Variants in SCYL3 observed in about 807,000 individuals in gnomAD.
SCYL3 encodes protein-associating with the carboxyl-terminal domain of ezrin.
SCYL3 carries 35 observed loss-of-function variants against 73.8 expected under a neutral mutation model. The observed-to-expected ratio is 0.47, with a 90% CI of 0.36 to 0.63. The LOEUF is 0.63. SCYL3 is among the 20% of genes least tolerant of loss of function. The probability of loss-of-function intolerance (pLI) is 0.00; values close to 1 mark genes in which losing one functional copy is unlikely to be tolerated. For synonymous variants in SCYL3, 277 were observed against 295.2 expected (o/e 0.94, Z 0.63); for missense variants, 712 against 798.9 (o/e 0.89, Z 1.31).
At position 169,849,845 on chromosome 1, in the gene SCYL3, C is replaced by T. The variant is rs936402008; in HGVS notation, c.*3868G>A. Reference sequence around the variant, plus strand: ...AGAACAGGCATACACAGCAGGCCTACTGATACAGACAGACACAGACACAGT... The same window carrying T: ...AGAACAGGCATACACAGCAGGCCTATTGATACAGACAGACACAGACACAGT... On this transcript the variant is annotated 3_prime_UTR_variant, in exon 13 of 13. Coordinates refer to ENST00000367771, the MANE Select transcript of SCYL3 (RefSeq NM_020423.7). The T allele has an allele frequency of 5.8e-6, 3 of 517,586 alleles. No homozygotes were observed. Among genetic ancestry groups the T allele is most frequent in the East Asian group, 3.3e-5 (1 of 29,992 alleles). 32.1% of individuals were successfully genotyped at this position (517,586 alleles called of 1,614,324 possible). A position where few individuals can be genotyped will look rare whatever the true frequency, so the allele number is the denominator to read the frequency against.
chr1:169,856,924 ACT>A, intron 11 of SCYL3, among the ~76,000 whole-genome samples: 1 of 152,304 alleles, frequency 6.6e-6, no homozygotes, highest in South Asian at 2.1e-4. Context: ...TATCTGATTA[ACT>A]CTTTTCTGCT....
chr1:169,855,814 T>G (rs765431847), intron 11 of SCYL3: 1 of 1,613,612 alleles, frequency 6.2e-7, no homozygotes, highest in Non-Finnish European at 8.5e-7. Context: ...AAAAGAGTAT[T>G]GTAGTAATCT....
intron 9 of SCYL3, 67 bp from the exon 10 acceptor site, chr1:169,862,864 T>C (rs1659764092): frequency 4.0e-6 from 6 of 1,484,066 alleles, no homozygotes; most frequent in Non-Finnish European, 4.7e-6. Flanking sequence ...GTATTAAGCA[T>C]AATTCATACA....
At chr1:169,859,463 A>C (rs890438533) in intron 10 of SCYL3, among the ~76,000 whole-genome samples, 1 of 152,272 alleles carries the variant, frequency 6.6e-6, no homozygotes, top group African/African-American at 2.4e-5. Flanking sequence ...TGTTGGGTAC[A>C]TAAAATTACT....
intron 3 of SCYL3, among the ~76,000 whole-genome samples, chr1:169,877,418 A>G (rs1660926460): frequency 6.6e-6 from 1 of 152,212 alleles, no homozygotes; most frequent in Non-Finnish European, 1.5e-5. Context: ...TTGGCCTCCC[A>G]AAGTGCTGGG....
In SCYL3 at chr1:169,869,010, G is replaced by A; in HGVS notation, c.655C>T (p.Gln219Ter). The A allele has an allele frequency of 6.2e-7, 1 of 1,614,126 alleles. No homozygotes were observed. The highest frequency in any genetic ancestry group is 8.5e-7 in the Non-Finnish European group (1 of 1,179,968). ...VSADVLSSFQ[Q>*]TLHSTLLNPI... ...TTCAGCAAAGTTGAGTGCAAGGTCTGTTGAAAGCTGGAGAGAACATCCGCT... is the reference window on the plus strand; with the variant it reads ...TTCAGCAAAGTTGAGTGCAAGGTCTATTGAAAGCTGGAGAGAACATCCGCT... The change falls in exon 7 of 13, where the codon CAG (glutamine) becomes TAG (stop). Residue 219 changes from glutamine (Q) to a stop codon, truncating the protein, a stop_gained. Coordinates refer to ENST00000367771, the MANE Select transcript of SCYL3 (RefSeq NM_020423.7). LOFTEE classifies it high-confidence loss of function.
chr1:169,891,329 A>G (rs1323347780), intron 1 of SCYL3, among the ~76,000 whole-genome samples: 2 of 152,182 alleles, frequency 1.3e-5, no homozygotes, highest in Non-Finnish European at 2.9e-5. Context: ...TCTCAAGACT[A>G]CCGGAAGCCC....
intron 5 of SCYL3, among the ~76,000 whole-genome samples, chr1:169,872,234 C>A (rs1238082329): frequency 6.6e-6 from 1 of 152,248 alleles, no homozygotes; most frequent in Non-Finnish European, 1.5e-5. Context: ...TGCATCTCAG[C>A]CGCTCTAGCC....
In SCYL3 at chr1:169,853,706, T is replaced by C; in HGVS notation, c.*7A>G. ...CCTTTTTCCTAAAGTTTAACTCACA[T>C]CTATTGTCACCAGTTATTATCTTCC... On this transcript the variant is annotated 3_prime_UTR_variant, in exon 13 of 13. Coordinates refer to ENST00000367771, the MANE Select transcript of SCYL3 (RefSeq NM_020423.7). The C allele has an allele frequency of 6.2e-7, 1 of 1,613,384 alleles. No individual in the cohort carries two copies. The highest frequency in any genetic ancestry group is 8.5e-7 in the Non-Finnish European group (1 of 1,179,634).
chr1:169,876,135 C>A (rs375090989), intron 3 of SCYL3, 44 bp from the exon 4 acceptor site: 3 of 1,145,250 alleles, frequency 2.6e-6, no homozygotes, highest in Non-Finnish European at 2.5e-6. Flanking sequence ...ACTCCAGGAT[C>A]TGAAATAGAA....
At chr1:169,857,386 C>T (rs1201276849) in intron 11 of SCYL3, among the ~76,000 whole-genome samples, 1 of 152,160 alleles carries the variant, frequency 6.6e-6, no homozygotes, top group Non-Finnish European at 1.5e-5. Context: ...TAAGTCATTT[C>T]TTGGTTACTT....
chr1:169,853,654 T>A lies in SCYL3; in HGVS notation c.*59A>T, dbSNP rs995537546. Reference sequence around the variant, plus strand: ...CTTGTCCCAAAGCCTGCTTTTGAGGTATTGATTTTTTTTAAAAAAAGGGAA... The same window carrying A: ...CTTGTCCCAAAGCCTGCTTTTGAGGAATTGATTTTTTTTAAAAAAAGGGAA... On this transcript the variant is annotated 3_prime_UTR_variant, in exon 13 of 13. Transcript: ENST00000367771. The A allele has an allele frequency of 2.5e-5, 39 of 1,570,156 alleles. No homozygotes were observed. In the African/African-American group the frequency reaches 4.6e-4, roughly 19 times the overall value.
intron 7 of SCYL3, 29 bp downstream of exon 7, chr1:169,868,899 G>T (rs777824930): frequency 1.3e-6 from 2 of 1,515,732 alleles, no homozygotes; most frequent in Non-Finnish European, 1.8e-6. Context: ...TCCGGAAGCA[G>T]CTGGCGTCAC....
intron 11 of SCYL3, chr1:169,855,763 A>C: frequency 1.9e-6 from 3 of 1,586,526 alleles, no homozygotes; most frequent in Non-Finnish European, 2.6e-6. Flanking sequence ...TCATCCAAGC[A>C]ATGGAAAAGC....
intron 2 of SCYL3, among the ~76,000 whole-genome samples, chr1:169,879,836 T>C (rs1292331127): frequency 6.6e-6 from 1 of 152,148 alleles, no homozygotes; most frequent in Non-Finnish European, 1.5e-5. Flanking sequence ...TAGAAAAATT[T>C]AAATTTCCAA....
chr1:169,862,048 G>A (rs1659685913), intron 10 of SCYL3, among the ~76,000 whole-genome samples: 2 of 152,208 alleles, frequency 1.3e-5, no homozygotes, highest in African/African-American at 4.8e-5. Context: ...GCCTTCAGAG[G>A]AAGCAGGGTC....
At chr1:169,878,286 A>G (rs929476279) in intron 3 of SCYL3, among the ~76,000 whole-genome samples, 1 of 152,270 alleles carries the variant, frequency 6.6e-6, no homozygotes, top group African/African-American at 2.4e-5. Context: ...ACTTTGGTCT[A>G]TGGCAGCACT....
chr1:169,882,718 C>G (rs192952639), intron 2 of SCYL3, among the ~76,000 whole-genome samples: 1 of 152,256 alleles, frequency 6.6e-6, no homozygotes, highest in East Asian at 1.9e-4. Flanking sequence ...TGCACCAATC[C>G]ACACTCTGTA....
chr1:169,864,659 G>A, intron 8 of SCYL3, 151 bp from the exon 9 acceptor site: 1 of 841,960 alleles, frequency 1.2e-6, no homozygotes, highest in Non-Finnish European at 1.8e-6. Context: ...TGGTCCCCAA[G>A]TACTTAAGAA....
Sources: gnomAD v4.1 joint callset for allele counts (sites outside exome capture counted in the v4.1 genomes callset) on GRCh38, gnomAD v4.1.1 for gene constraint, MANE v1.5 for transcripts, NCBI Gene and HGNC (gene_info 2026-07-23, HGNC 2026-07-21) for gene names.